The following PCSK5 variants were observed in gnomAD, a reference collection of about 807,000 sequenced individuals.
PCSK5 encodes prohormone convertase 5.
A neutral mutation model predicts 233.2 loss-of-function variants in PCSK5; 129 were observed. The observed-to-expected ratio is 0.55, with a 90% CI of 0.48 to 0.64. PCSK5 has a LOEUF of 0.64. Ranked by LOEUF, PCSK5 falls within the 30% of genes least tolerant of loss-of-function variation. The pLI is 0.00. For missense variants in PCSK5, 2,076 were observed against 2,430.1 expected, an observed-to-expected ratio of 0.85 and a Z score of 3.06; for synonymous variants, 825 against 879.2, an observed-to-expected ratio of 0.94 and a Z score of 1.09.
chr9:76,119,349 A>G (rs1192397201), intron 9 of PCSK5, among the ~76,000 whole-genome samples: 1 of 152,062 alleles, frequency 6.6e-6, no homozygotes, highest in Non-Finnish European at 1.5e-5. Flanking sequence ...TTTTAAATTT[A>G]TTTTAAAAGT....
intron 20 of PCSK5, among the ~76,000 whole-genome samples, chr9:76,202,735 G>C (rs914249523): frequency 6.6e-6 from 1 of 152,016 alleles, no homozygotes; most frequent in Non-Finnish European, 1.5e-5. Flanking sequence ...AACAGAGAAG[G>C]TTAGATCTCC....
rs1162655720 is a variant in PCSK5 at position 76,321,465 on chromosome 9, C to T, written c.3928C>T (p.Pro1310Ser). 16 of 1,611,382 alleles carry T rather than the reference C, an allele frequency of 9.9e-6. No individual in the cohort carries two copies. Among genetic ancestry groups the T allele is most frequent in the Non-Finnish European group, 1.4e-5 (16 of 1,178,580 alleles). Residue 1310 changes from proline (P) to serine (S), a missense_variant, in exon 31 of 38, where the codon CCT becomes TCT. Coordinates refer to ENST00000674117, the MANE Select transcript of PCSK5 (RefSeq NM_001372043.1). ...EDGICERCSS[P>S]CRTCEGNATN... The stretch of plus-strand genomic sequence containing the variant: ...CGGCATATGTGAACGCTGTAGCTCT[C>T]CTTGCAGAACATGTGAAGGAAACGC...
chr9:76,056,943 T>A (rs1164430060), intron 5 of PCSK5, among the ~76,000 whole-genome samples: 1 of 152,186 alleles, frequency 6.6e-6, no homozygotes, highest in Non-Finnish European at 1.5e-5. Context: ...ATCTTAGTAA[T>A]ATTGTGGGCA....
Position 76,107,160 on chromosome 9 carries a change from C to T in PCSK5, c.1108-91C>T, listed in dbSNP as rs566664590. 7 of 675,210 alleles carry T rather than the reference C, an allele frequency of 1.0e-5. No individual in the cohort carries two copies. The South Asian group carries it at 1.3e-4, about 13-fold the overall frequency. The allele number at this position is 675,210 out of a possible 1,614,324, so 41.8% of individuals were successfully genotyped here. The stretch of plus-strand genomic sequence containing the variant: ...ATTTAAAACAAGTATTTAACATATA[C>T]CCCCATTCTATTTTTATGAGTATAT... On this transcript the variant is annotated intron_variant, in intron 8 of 37. Coordinates refer to ENST00000674117, the MANE Select transcript of PCSK5 (RefSeq NM_001372043.1).
At chr9:76,145,108 G>A (rs915182216) in intron 10 of PCSK5, among the ~76,000 whole-genome samples, 3 of 152,150 alleles carry the variant, frequency 2.0e-5, no homozygotes, top group Non-Finnish European at 4.4e-5. Context: ...CTGAGCGACA[G>A]AGCAAGACTC....
intron 5 of PCSK5, among the ~76,000 whole-genome samples, chr9:76,041,844 A>AAAAG (rs1829134665): frequency 2.1e-5 from 1 of 48,350 alleles, no homozygotes; most frequent in Non-Finnish European, 3.9e-5. Context: ...GTCTCAAGGG[A>AAAAG]AAAAAAAAAA....
At chr9:76,088,879 A>C (rs918843694) in intron 7 of PCSK5, among the ~76,000 whole-genome samples, 3 of 152,174 alleles carry the variant, frequency 2.0e-5, no homozygotes, top group African/African-American at 7.2e-5. Flanking sequence ...GAGTGCTACA[A>C]AAAACAGTAG....
intron 2 of PCSK5, among the ~76,000 whole-genome samples, chr9:75,965,964 A>C (rs1328750869): frequency 6.6e-6 from 1 of 152,216 alleles, no homozygotes; most frequent in Non-Finnish European, 1.5e-5. Context: ...GTTCAGCAGC[A>C]TGTGAGCTAT....
At chr9:76,193,422 C>A (rs201158316) in intron 20 of PCSK5, 33 of 804,248 alleles carry the variant, frequency 4.1e-5, no homozygotes, top group Admixed American at 3.7e-4. Context: ...AGAAAAAAGC[C>A]AAAAAGAAAA....
intron 24 of PCSK5, among the ~76,000 whole-genome samples, chr9:76,257,875 CA>C (rs1286354572): frequency 6.6e-6 from 1 of 152,202 alleles, no homozygotes; most frequent in Non-Finnish European, 1.5e-5. Flanking sequence ...CTATCTGTAG[CA>C]ACCAACTTTC....
Position 76,332,550 on chromosome 9 carries a change from A to T in PCSK5, c.4688A>T (p.His1563Leu). 3 of 1,611,646 alleles carry T rather than the reference A, an allele frequency of 1.9e-6. No homozygotes were observed. The highest frequency in any genetic ancestry group is 2.5e-6 in the Non-Finnish European group (3 of 1,179,356). Residue 1563 changes from histidine (H) to leucine (L), a missense_variant, in exon 34 of 38, where the codon CAC becomes CTC. Coordinates refer to ENST00000674117, the MANE Select transcript of PCSK5 (RefSeq NM_001372043.1). ...GAAGGGAGACACAGCAGGCAGTGCC[A>T]CTCCTGCCGACCGGGCTGGTTCCAG... ...TCEGRHSRQCHSCRPGWFQLG... is the reference protein window; with the variant it reads ...TCEGRHSRQCLSCRPGWFQLG...
At chr9:75,977,977 T>C (rs1490968952) in intron 2 of PCSK5, among the ~76,000 whole-genome samples, 1 of 152,244 alleles carries the variant, frequency 6.6e-6, no homozygotes, top group East Asian at 1.9e-4. Context: ...CATAGAATTA[T>C]GTAAAGAAAG....
intron 1 of PCSK5, among the ~76,000 whole-genome samples, chr9:75,905,348 C>T (rs1826216890): frequency 6.6e-6 from 1 of 151,756 alleles, no homozygotes; most frequent in Non-Finnish European, 1.5e-5. Flanking sequence ...CTGGTCTCTA[C>T]AAAAGAAAAA....
intron 8 of PCSK5, 81 bp from the exon 9 acceptor site, chr9:76,107,170 A>T: frequency 2.6e-6 from 2 of 769,718 alleles, no homozygotes; most frequent in Non-Finnish European, 2.1e-6. Context: ...CCCCCATTCT[A>T]TTTTTATGAG....
chr9:76,237,860 T>A (rs1323529082), intron 22 of PCSK5, among the ~76,000 whole-genome samples: 1 of 152,162 alleles, frequency 6.6e-6, no homozygotes, highest in Non-Finnish European at 1.5e-5. Context: ...TGCTCACAGG[T>A]AAAAAATAGT....
intron 9 of PCSK5, among the ~76,000 whole-genome samples, chr9:76,111,745 G>T (rs1832225192): frequency 1.3e-5 from 2 of 152,064 alleles, no homozygotes; most frequent in Non-Finnish European, 2.9e-5. Flanking sequence ...AAGGAAGCAG[G>T]TTTATTAAAT....
At chr9:75,973,615 C>T (rs747489383) in intron 2 of PCSK5, among the ~76,000 whole-genome samples, 6 of 152,208 alleles carry the variant, frequency 3.9e-5, no homozygotes, top group Non-Finnish European at 7.3e-5. Flanking sequence ...AGATCCTCAG[C>T]CTCCCTCTAG....
chr9:76,238,876 A>T, intron 22 of PCSK5, 83 bp from the exon 23 acceptor site: 1 of 1,040,962 alleles, frequency 9.6e-7, no homozygotes, highest in Non-Finnish European at 1.4e-6. Context: ...GCATCTTTTT[A>T]AAATATAATA....
At chr9:76,057,526 A>G (rs985651721) in intron 5 of PCSK5, among the ~76,000 whole-genome samples, 2 of 152,204 alleles carry the variant, frequency 1.3e-5, no homozygotes, top group African/African-American at 4.8e-5. Context: ...CATATGTATC[A>G]GCAGCAGAGT....
Sources: gnomAD v4.1 joint callset for allele counts (sites outside exome capture counted in the v4.1 genomes callset) on GRCh38, gnomAD v4.1.1 for gene constraint, MANE v1.5 for transcripts, NCBI Gene and HGNC (gene_info 2026-07-23, HGNC 2026-07-21) for gene names.